The following SGTB variants were observed in gnomAD, a reference collection of about 807,000 sequenced individuals.
SGTB encodes small glutamine-rich tetratricopeptide repeat-containing protein beta.
In SGTB, 19 loss-of-function variants were observed where a neutral mutation model predicts 43.9. That is an observed-to-expected ratio of 0.43 (90% confidence interval 0.30 to 0.63). The LOEUF is 0.63. Among genes scored for constraint, SGTB ranks in the 30% least tolerant of loss-of-function variants. SGTB has a pLI of 0.12. For synonymous variants in SGTB, 116 were observed against 117.3 expected (o/e 0.99, Z 0.07); for missense variants, 304 against 358.9 (o/e 0.85, Z 1.24).
In SGTB at chr5:65,714,249, C is replaced by A. The variant is rs562346707; in HGVS notation, c.101-1185G>T. On this transcript the variant is annotated intron_variant, in intron 2 of 10. Coordinates refer to ENST00000381007, the MANE Select transcript of SGTB (RefSeq NM_019072.3). Reference sequence around the variant, plus strand: ...TGAAGATAGATTTTAAAAATTCATTCATCTATGCAAATTTGCCAAGTGCCT... The same window carrying A: ...TGAAGATAGATTTTAAAAATTCATTAATCTATGCAAATTTGCCAAGTGCCT... Among the ~76,000 whole-genome samples, 19 of 152,122 alleles carry A rather than the reference C, an allele frequency of 1.2e-4. No homozygotes were observed. The South Asian group carries it at 3.9e-3, about 32-fold the overall frequency.
chr5:65,720,799 A>G lies in SGTB; in HGVS notation c.9T>C (p.Ser3=). The change falls in exon 2 of 11, where the codon TCT becomes TCC. Residue 3 remains serine (S), a synonymous_variant. Coordinates refer to ENST00000381007, the MANE Select transcript of SGTB (RefSeq NM_019072.3). MS[S]IKHLVYAVIR... is the part of the protein sequence containing the mutation. ...TAACTGCATAAACCAGGTGCTTGAT[A>G]GATGACATTTTAGAAGCTTAAACAC... 6.2e-7 allele frequency: 1 copy of G among 1,613,066 alleles called. No individual in the cohort carries two copies. The highest frequency in any genetic ancestry group is 2.2e-5 in the East Asian group (1 of 44,820).
At chr5:65,687,235 A>G (rs1408248698) in intron 5 of SGTB, among the ~76,000 whole-genome samples, 1 of 152,204 alleles carries the variant, frequency 6.6e-6, no homozygotes, top group African/African-American at 2.4e-5. Context: ...GATTAACAAC[A>G]TGTGAGTCTG....
At chr5:65,685,536 G>A (rs1757481784) in intron 5 of SGTB, 64 bp from the exon 6 acceptor site, 6 of 1,377,036 alleles carry the variant, frequency 4.4e-6, no homozygotes, top group Non-Finnish European at 6.2e-6. Context: ...AGATTTTCAG[G>A]TACTAATAAT....
intron 4 of SGTB, among the ~76,000 whole-genome samples, chr5:65,706,380 T>C (rs1239793874): frequency 1.3e-5 from 2 of 152,234 alleles, no homozygotes; most frequent in Non-Finnish European, 2.9e-5. Flanking sequence ...TGGCATTTTA[T>C]GATTACATTA....
At chr5:65,683,034 C>T (rs1358573120) in intron 6 of SGTB, among the ~76,000 whole-genome samples, 1 of 151,606 alleles carries the variant, frequency 6.6e-6, no homozygotes, top group East Asian at 1.9e-4. Context: ...ATATTTTATT[C>T]ATTAGCATTG....
intron 5 of SGTB, among the ~76,000 whole-genome samples, chr5:65,700,682 C>CAAAAA (rs376335799): frequency 2.5e-5 from 2 of 80,800 alleles, no homozygotes; most frequent in Admixed American, 1.4e-4. Flanking sequence ...CTCTGTCTCC[C>CAAAAA]AAAAAAAAAA....
rs1757891619 is a variant in SGTB at position 65,704,465 on chromosome 5, ATAAT to A, written c.275-91_275-88del. 6 of 995,688 alleles carry A rather than the reference ATAAT, an allele frequency of 6.0e-6. No individual in the cohort carries two copies. The South Asian group carries it at 1.1e-4, about 18-fold the overall frequency. 61.7% of individuals were successfully genotyped at this position (995,688 alleles called of 1,614,324 possible). ...TAGACACATTTTAATCGTGGAAACT[ATAAT>A]TATATGAAAGTCGGCCTCATGATTT... On this transcript the variant is annotated intron_variant, in intron 4 of 10. Coordinates refer to ENST00000381007, the MANE Select transcript of SGTB (RefSeq NM_019072.3).
At chr5:65,682,436 T>C (rs989354025) in intron 6 of SGTB, among the ~76,000 whole-genome samples, 1 of 152,190 alleles carries the variant, frequency 6.6e-6, no homozygotes, top group Non-Finnish European at 1.5e-5. Flanking sequence ...AAGGGTAGAA[T>C]GGAGGCAGGG....
rs191396506 is a variant in SGTB at position 65,669,985 on chromosome 5, A to G, written c.*261T>C. The G allele has an allele frequency of 1.8e-4, 63 of 347,046 alleles. No homozygotes were observed. Among genetic ancestry groups the G allele is most frequent in the Middle Eastern group, 7.9e-4 (1 of 1,258 alleles). 21.5% of individuals were successfully genotyped at this position (347,046 alleles called of 1,614,324 possible). A position where few individuals can be genotyped will look rare whatever the true frequency, so the allele number is the denominator to read the frequency against. ...GATAGAAGTTTGAAAATGGAACCTT[A>G]TCCCAGTGCTATATTGGCACGTAAC... is the stretch of plus-strand genomic sequence containing the variant. On this transcript the variant is annotated 3_prime_UTR_variant, in exon 11 of 11. Coordinates refer to ENST00000381007, the MANE Select transcript of SGTB (RefSeq NM_019072.3).
chr5:65,693,268 G>C (rs996352187), intron 5 of SGTB, among the ~76,000 whole-genome samples: 14 of 147,906 alleles, frequency 9.5e-5, no homozygotes, highest in African/African-American at 3.0e-4. Context: ...AAGGAAGGAA[G>C]GAACGAAGGA....
intron 2 of SGTB, among the ~76,000 whole-genome samples, chr5:65,714,683 C>A (rs2020262): frequency 0.32 from 49,267 of 151,958 alleles, 8,335 homozygotes; most frequent in Non-Finnish European, 0.37. Context: ...GATGTGATTG[C>A]ATGCCCCTGT....
In SGTB at chr5:65,709,672, C is replaced by T. The variant is rs568068713; in HGVS notation, c.205-1114G>A. On this transcript the variant is annotated intron_variant, in intron 3 of 10. Coordinates refer to ENST00000381007, the MANE Select transcript of SGTB (RefSeq NM_019072.3). Reference sequence around the variant, plus strand: ...GATTACAGGCATGAGCCACTGCGCCCGGCCGTGTTTTCTTATATTGTAGTA... The same window carrying T: ...GATTACAGGCATGAGCCACTGCGCCTGGCCGTGTTTTCTTATATTGTAGTA... Among the ~76,000 whole-genome samples, 8 of 152,226 alleles carry T rather than the reference C, an allele frequency of 5.3e-5. No homozygotes were observed. In the South Asian group the frequency reaches 8.3e-4, roughly 16 times the overall value.
intron 4 of SGTB, among the ~76,000 whole-genome samples, chr5:65,707,395 TACACACAC>T (rs35011866): frequency 3.7e-4 from 50 of 133,658 alleles, no homozygotes; most frequent in African/African-American, 6.4e-4. Context: ...GCTGATTTTA[TACACACAC>T]ACACACACAC....
At chr5:65,685,313 G>C in intron 6 of SGTB, 55 bp downstream of exon 6, 1 of 1,494,162 alleles carries the variant, frequency 6.7e-7, no homozygotes, top group Non-Finnish European at 9.3e-7. Context: ...AAGCCATTAA[G>C]AACAGCATAC....
intron 6 of SGTB, among the ~76,000 whole-genome samples, chr5:65,684,399 TA>T (rs1349986242): frequency 1.3e-5 from 2 of 152,078 alleles, no homozygotes; most frequent in Admixed American, 1.3e-4. Context: ...AATGACTTTT[TA>T]TGACCTGATC....
intron 5 of SGTB, among the ~76,000 whole-genome samples, chr5:65,703,820 G>A (rs1293185386): frequency 1.3e-5 from 2 of 152,036 alleles, no homozygotes; most frequent in Non-Finnish European, 2.9e-5. Flanking sequence ...GGCAGATCAC[G>A]AGGTCAGGGG....
Position 65,666,754 on chromosome 5 carries a change from C to G in SGTB, c.*3492G>C, listed in dbSNP as rs1757048071. On this transcript the variant is annotated 3_prime_UTR_variant, in exon 11 of 11. Coordinates refer to ENST00000381007, the MANE Select transcript of SGTB (RefSeq NM_019072.3). ...GATAGCATCTAGATTGAATTTGTTA[C>G]AGGTGGTATATTAGCAAAGAAATAG... The G allele has an allele frequency of 6.6e-6, 1 of 152,034 alleles. No homozygotes were observed. Among genetic ancestry groups the G allele is most frequent in the Non-Finnish European group, 1.5e-5 (1 of 67,988 alleles). 9.4% of individuals were successfully genotyped at this position (152,034 alleles called of 1,614,324 possible).
At chr5:65,691,062 G>A (rs896441914) in intron 5 of SGTB, among the ~76,000 whole-genome samples, 1 of 152,174 alleles carries the variant, frequency 6.6e-6, no homozygotes, top group Admixed American at 6.5e-5. Context: ...AATGAGTAAA[G>A]CTACTGGTGG....
rs898308540 is a variant in SGTB, at chr5:65,667,569, C to T, written c.*2677G>A. 6.6e-5 allele frequency: 10 copies of T among 152,110 alleles called. No individual in the cohort carries two copies. Among genetic ancestry groups the T allele is most frequent in the African/African-American group, 2.4e-4 (10 of 41,416 alleles). 9.4% of individuals were successfully genotyped at this position (152,110 alleles called of 1,614,324 possible). On this transcript the variant is annotated 3_prime_UTR_variant, in exon 11 of 11. Coordinates refer to ENST00000381007, the MANE Select transcript of SGTB (RefSeq NM_019072.3). ...GAATATGAATTTAACTTCTGAGGGC[C>T]GAAGACTTAAATTGTGCTCTTTTTA... is the stretch of plus-strand genomic sequence containing the variant.
Sources: allele counts gnomAD v4.1 joint callset (sites outside exome capture counted in the v4.1 genomes callset), GRCh38; gene constraint gnomAD v4.1.1; transcripts MANE v1.5; gene names NCBI Gene and HGNC (gene_info 2026-07-23, HGNC 2026-07-21).